Variants in DYRK4 observed in about 807,000 individuals in gnomAD.
The protein encoded by DYRK4 is dual specificity tyrosine phosphorylation regulated kinase 4.
Under a neutral mutation model 68.3 loss-of-function variants are expected in DYRK4, and 64 were observed. The ratio of observed to expected loss-of-function variants is 0.94; its 90% CI spans 0.77 to 1.15. The LOEUF is 1.15. Among genes scored for constraint, DYRK4 ranks in the 50% most tolerant of loss-of-function variants. DYRK4 has a pLI of 0.00. For missense variants in DYRK4, 740 were observed against 764.7 expected (o/e 0.97, Z 0.38); for synonymous variants, 274 against 289.9 (o/e 0.95, Z 0.56).
intron 12 of DYRK4, 143 bp from the exon 13 acceptor site, chr12:4,610,012 G>A (rs1275837854): frequency 1.9e-6 from 1 of 535,752 alleles, no homozygotes; most frequent in African/African-American, 2.0e-5. Flanking sequence ...GAGTGTGTGT[G>A]TGTGTGTTTA....
chr12:4,579,377 C>G (rs1246772068), intron 2 of DYRK4, among the ~76,000 whole-genome samples: 2 of 152,146 alleles, frequency 1.3e-5, no homozygotes, highest in African/African-American at 4.8e-5. Flanking sequence ...TGCTCTCATG[C>G]AGGTAGAAAC....
In DYRK4 at chr12:4,612,604, T is replaced by G. The variant is rs1291129675; in HGVS notation, c.1552T>G (p.Ser518Ala). 1.2e-6 allele frequency: 2 copies of G among 1,614,060 alleles called. No individual in the cohort carries two copies. The highest frequency in any genetic ancestry group is 1.7e-6 in the Non-Finnish European group (2 of 1,180,038). The change falls in exon 14 of 15, where the codon TCT becomes GCT. Residue 518 changes from serine to alanine, a missense_variant. This residue lies in a region of DYRK4 where 614 missense variants were observed against 603.7 expected (regional missense o/e 1.02). Coordinates refer to ENST00000543431, the MANE Select transcript of DYRK4 (RefSeq NM_001394779.1). ...CCTCAAGCATGCTTGGATTCATCAGTCTCGGAACCTCAAGCCACAGCCCAG... is the reference window on the plus strand; with the variant it reads ...CCTCAAGCATGCTTGGATTCATCAGGCTCGGAACCTCAAGCCACAGCCCAG... Reference protein sequence around the residue: ...QALKHAWIHQSRNLKPQPRPQ... With the variant: ...QALKHAWIHQARNLKPQPRPQ...
chr12:4,593,763 C>T (rs757598513), intron 6 of DYRK4, among the ~76,000 whole-genome samples: 1 of 152,198 alleles, frequency 6.6e-6, no homozygotes, highest in South Asian at 2.1e-4. Context: ...CAGGGCTGAG[C>T]ATGTTGGGAT....
chr12:4,582,294 A>G (rs1332543059), intron 2 of DYRK4, among the ~76,000 whole-genome samples: 1 of 152,038 alleles, frequency 6.6e-6, no homozygotes, highest in Non-Finnish European at 1.5e-5. Context: ...AAAATACAAA[A>G]TTAGCCAGGC....
Position 4,605,070 on chromosome 12 carries a change from T to G in DYRK4, c.1283T>G (p.Leu428Arg), listed in dbSNP as rs1227301074. 2 of 1,612,998 alleles carry G rather than the reference T, an allele frequency of 1.2e-6. No individual in the cohort carries two copies. The highest frequency in any genetic ancestry group is 3.3e-5 in the Admixed American group (2 of 59,854). ...LFPGENEVEQ[L>R]ACIMEVLGLP... ...CCCGGGGAGAATGAGGTGGAGCAGCTGGCCTGCATCATGGAGGTACGCGGA... is the reference window on the plus strand; with the variant it reads ...CCCGGGGAGAATGAGGTGGAGCAGCGGGCCTGCATCATGGAGGTACGCGGA... The change falls in exon 11 of 15, where the codon CTG becomes CGG. Residue 428 changes from leucine (L) to arginine (R), a missense_variant. Leu to Arg is a moderately radical substitution (Grantham distance 102). Transcript: ENST00000543431.
intron 1 of DYRK4, chr12:4,563,009 T>TA (rs1361537124): frequency 2.2e-6 from 1 of 455,088 alleles, no homozygotes; most frequent in Non-Finnish European, 4.4e-6. Context: ...TGACATGTCT[T>TA]AAGCAACGGA....
At chr12:4,602,689 T>A in intron 10 of DYRK4, 1 of 1,453,626 alleles carries the variant, frequency 6.9e-7, no homozygotes, top group South Asian at 1.1e-5. Flanking sequence ...ACTATTTGCA[T>A]TATTAATGGG....
At chr12:4,574,698 G>T (rs999631762) in intron 2 of DYRK4, among the ~76,000 whole-genome samples, 4 of 152,038 alleles carry the variant, frequency 2.6e-5, no homozygotes, top group African/African-American at 7.2e-5. Context: ...GTTTTTTCTT[G>T]TGCGTTTGCT....
Position 4,591,056 on chromosome 12 carries a change from T to G in DYRK4, c.325-104T>G, listed in dbSNP as rs1220354592. The G allele has an allele frequency of 7.2e-7, 1 of 1,398,518 alleles. No individual in the cohort carries two copies. Among genetic ancestry groups the G allele is most frequent in the Non-Finnish European group, 9.7e-7 (1 of 1,029,882 alleles). The allele number at this position is 1,398,518 out of a possible 1,614,324, so 86.6% of individuals were successfully genotyped here. On this transcript the variant is annotated intron_variant, in intron 4 of 14. Transcript: ENST00000543431. This position sits in a 1 kb window ranked among gnomAD's most constrained non-coding sequence, Gnocchi z 4.1. ...GCTGTTTTCTCCCTGGAGAGGTAGGTAAAGAGCCTGGCTGAAGGTGGGTGT... is the reference window on the plus strand; with the variant it reads ...GCTGTTTTCTCCCTGGAGAGGTAGGGAAAGAGCCTGGCTGAAGGTGGGTGT...
At chr12:4,573,475 G>A in intron 2 of DYRK4, 1 of 1,085,336 alleles carries the variant, frequency 9.2e-7, no homozygotes, top group Middle Eastern at 2.4e-4. Context: ...AAGTGAGCAG[G>A]AATTGGCGGG....
intron 11 of DYRK4, 57 bp downstream of exon 11, chr12:4,605,143 A>G (rs1945128812): frequency 2.0e-6 from 3 of 1,513,568 alleles, no homozygotes; most frequent in Non-Finnish European, 2.7e-6. Flanking sequence ...GCCCTCAGAC[A>G]CGGGGCTGCA....
chr12:4,563,698 GA>G (rs1944650977), intron 1 of DYRK4, among the ~76,000 whole-genome samples: 1 of 152,200 alleles, frequency 6.6e-6, no homozygotes, highest in South Asian at 2.1e-4. Flanking sequence ...AGAGAGGTTT[GA>G]AAAAACTTCA....
intron 5 of DYRK4, chr12:4,592,742 C>T: frequency 2.6e-6 from 1 of 377,716 alleles, no homozygotes; most frequent in South Asian, 5.1e-5. Context: ...CTGCTCTAAC[C>T]CCCAGGTGTT....
At chr12:4,603,029 A>G (rs772303538) in intron 10 of DYRK4, 5 of 983,732 alleles carry the variant, frequency 5.1e-6, no homozygotes, top group African/African-American at 1.6e-5. Flanking sequence ...AGCTTGTACA[A>G]TTTTCTCCAT....
Position 4,599,662 on chromosome 12 carries a change from G to A in DYRK4, c.1045-45G>A, listed in dbSNP as rs375352757. Reference sequence around the variant, plus strand: ...AGCATTTAGGTAAGTAGAGGGCCTAGGGCCGCATTACTGTAGCTTGACATA... The same window carrying A: ...AGCATTTAGGTAAGTAGAGGGCCTAAGGCCGCATTACTGTAGCTTGACATA... On this transcript the variant is annotated intron_variant, in intron 9 of 14. Coordinates refer to ENST00000543431, the MANE Select transcript of DYRK4 (RefSeq NM_001394779.1). The A allele has an allele frequency of 2.7e-5, 41 of 1,494,226 alleles. No individual in the cohort carries two copies. In the African/African-American group the frequency reaches 3.5e-4, roughly 13 times the overall value. 92.6% of individuals were successfully genotyped at this position (1,494,226 alleles called of 1,614,324 possible).
chr12:4,575,322 T>TG (rs71061193), intron 2 of DYRK4, among the ~76,000 whole-genome samples: 9 of 151,736 alleles, frequency 5.9e-5, no homozygotes, highest in African/African-American at 1.9e-4. Flanking sequence ...TGTGTGTGTG[T>TG]TTTCGAAACG....
At chr12:4,575,232 TC>T (rs1373362717) in intron 2 of DYRK4, among the ~76,000 whole-genome samples, 1 of 151,602 alleles carries the variant, frequency 6.6e-6, no homozygotes. Context: ...ATTTCAGTCT[TC>T]CACATACTTT....
chr12:4,573,299 G>GT, intron 2 of DYRK4: 1 of 1,289,266 alleles, frequency 7.8e-7, no homozygotes, highest in South Asian at 1.2e-5. Context: ...CTGAAGGAGA[G>GT]TTTTACATAG....
intron 13 of DYRK4, 162 bp from the exon 14 acceptor site, chr12:4,612,380 TC>T (rs1251846561): frequency 1.5e-6 from 1 of 666,698 alleles, no homozygotes; most frequent in African/African-American, 1.8e-5. Context: ...ATTAGTTGTT[TC>T]CAGGTACTTT....
Sources: allele counts gnomAD v4.1 joint callset (sites outside exome capture counted in the v4.1 genomes callset), GRCh38; gene constraint gnomAD v4.1.1; regional missense constraint gnomAD v4.1.1; non-coding constraint Gnocchi (gnomAD v3.1); transcripts MANE v1.5; gene names NCBI Gene and HGNC (gene_info 2026-07-23, HGNC 2026-07-21).